ST6GALNAC3: variants seen among roughly 807,000 people sequenced by gnomAD.
ST6GALNAC3 encodes the protein ST6 N-acetylgalactosaminide alpha-2,6-sialyltransferase 3, also known as alpha-N-acetylgalactosaminide alpha-2,6-sialyltransferase 3.
In ST6GALNAC3, 25 loss-of-function variants were observed where a neutral mutation model predicts 32.7. That is an observed-to-expected ratio of 0.76 (90% CI 0.56 to 1.07). ST6GALNAC3 has a LOEUF of 1.07. Ranked by LOEUF, ST6GALNAC3 falls within the 50% of genes least tolerant of loss-of-function variation. The pLI is 0.00. For synonymous variants in ST6GALNAC3, 129 were observed against 133.1 expected (o/e 0.97, Z 0.21); for missense variants, 355 against 382.4 (o/e 0.93, Z 0.60).
intron 3 of ST6GALNAC3, among the ~76,000 whole-genome samples, chr1:76,447,247 CT>C (rs1304762427): frequency 6.6e-6 from 1 of 152,158 alleles, no homozygotes; most frequent in Non-Finnish European, 1.5e-5. Context: ...CATTTTGCCC[CT>C]GTCCTAGAAA....
intron 3 of ST6GALNAC3, among the ~76,000 whole-genome samples, chr1:76,433,269 C>G (rs1655900296): frequency 6.6e-6 from 1 of 151,846 alleles, no homozygotes; most frequent in Non-Finnish European, 1.5e-5. Context: ...TTCATTTTTC[C>G]GTAAGATTTT....
intron 3 of ST6GALNAC3, among the ~76,000 whole-genome samples, chr1:76,497,281 C>A (rs1660911654): frequency 6.6e-6 from 1 of 152,118 alleles, no homozygotes; most frequent in South Asian, 2.1e-4. Context: ...CAGGAGAAGC[C>A]TGATGTACCT....
At chr1:76,579,558 G>C (rs894547562) in intron 3 of ST6GALNAC3, among the ~76,000 whole-genome samples, 1 of 151,812 alleles carries the variant, frequency 6.6e-6, no homozygotes, top group Non-Finnish European at 1.5e-5. Context: ...TACATACATT[G>C]CTTGTCCATA....
chr1:76,279,678 G>C lies in ST6GALNAC3; in HGVS notation c.19-34127G>C, dbSNP rs570531104. ...GGCAGCTGCCGGAGGCGGAAGTGGC[G>C]TCCATGGTAGCCACTTCGTCAGGAG... is the stretch of plus-strand genomic sequence containing the variant. On this transcript the variant is annotated intron_variant, in intron 1 of 4. Transcript: ENST00000328299. Among the ~76,000 whole-genome samples, 101 of 152,272 alleles carry C rather than the reference G, an allele frequency of 6.6e-4. 1 individual carries two copies. The highest frequency in any genetic ancestry group is 2.3e-3 in the African/African-American group (97 of 41,556).
At chr1:76,347,987 A>G (rs2101012964) in intron 2 of ST6GALNAC3, among the ~76,000 whole-genome samples, 1 of 152,328 alleles carries the variant, frequency 6.6e-6, no homozygotes, top group Middle Eastern at 3.4e-3. Context: ...TTGCAATTCT[A>G]TTGTGAATGT....
At chr1:76,462,949 C>A (rs1156353432) in intron 3 of ST6GALNAC3, among the ~76,000 whole-genome samples, 1 of 152,128 alleles carries the variant, frequency 6.6e-6, no homozygotes, top group Non-Finnish European at 1.5e-5. Context: ...GTTGGAAAAA[C>A]ACTGTCCTAA....
In ST6GALNAC3 at chr1:76,328,754, G is replaced by A. The variant is rs144354888; in HGVS notation, c.213+14755G>A. 3.3e-3 allele frequency among the ~76,000 whole-genome samples: 505 copies of A among 152,198 alleles called. 3 individuals carry two copies. The highest frequency in any genetic ancestry group is 0.012 in the African/African-American group (490 of 41,530). ...TTTGAATTAGGTGGAAATTGACATCGTTTGTCAGAAATATACTGAGGATAA... is the reference window on the plus strand; with the variant it reads ...TTTGAATTAGGTGGAAATTGACATCATTTGTCAGAAATATACTGAGGATAA... On this transcript the variant is annotated intron_variant, in intron 2 of 4. Coordinates refer to ENST00000328299, the MANE Select transcript of ST6GALNAC3 (RefSeq NM_152996.4).
chr1:76,143,011 C>T, intron 1 of ST6GALNAC3: 1 of 329,772 alleles, frequency 3.0e-6, no homozygotes. Context: ...GGAGGGATTA[C>T]TTTCTTATCA....
rs192126346 is a variant in ST6GALNAC3, at chr1:76,559,302, G to A, written c.624-68150G>A. 1.1e-4 allele frequency among the ~76,000 whole-genome samples: 17 copies of A among 152,200 alleles called. No individual in the cohort carries two copies. In the East Asian group the frequency reaches 1.9e-3, roughly 17 times the overall value. On this transcript the variant is annotated intron_variant, in intron 3 of 4. Transcript: ENST00000328299. The stretch of plus-strand genomic sequence containing the variant: ...ACAAATCACCCTTCCAACAAACGAC[G>A]TTAGGACAACTGCACATGCAAATGC...
chr1:76,379,103 A>G (rs1332489506), intron 2 of ST6GALNAC3, among the ~76,000 whole-genome samples: 3 of 152,102 alleles, frequency 2.0e-5, no homozygotes, highest in African/African-American at 7.2e-5. Flanking sequence ...TCACTGTGTT[A>G]GCCAGGATGG....
At chr1:76,402,038 AT>A (rs10665444) in intron 2 of ST6GALNAC3, among the ~76,000 whole-genome samples, 1 of 151,058 alleles carries the variant, frequency 6.6e-6, no homozygotes, top group Non-Finnish European at 1.5e-5. Flanking sequence ...ATGAATTTAT[AT>A]TTTTTTTTGC....
At chr1:76,239,300 C>G (rs1656835860) in intron 1 of ST6GALNAC3, among the ~76,000 whole-genome samples, 2 of 152,134 alleles carry the variant, frequency 1.3e-5, no homozygotes, top group Admixed American at 1.3e-4. Context: ...AGTGACAATA[C>G]TCCTCTTCCG....
intron 1 of ST6GALNAC3, among the ~76,000 whole-genome samples, chr1:76,142,478 G>A (rs972388359): frequency 6.6e-6 from 1 of 152,148 alleles, no homozygotes; most frequent in African/African-American, 2.4e-5. Context: ...ACCAGGGGAA[G>A]AGGAGGAAAG....
At chr1:76,191,196 G>T (rs1653874161) in intron 1 of ST6GALNAC3, among the ~76,000 whole-genome samples, 1 of 152,022 alleles carries the variant, frequency 6.6e-6, no homozygotes. Context: ...AAAAAATTTA[G>T]ACAAGCCTTG....
intron 3 of ST6GALNAC3, among the ~76,000 whole-genome samples, chr1:76,457,336 G>A (rs878871128): frequency 5.3e-5 from 8 of 152,178 alleles, no homozygotes; most frequent in South Asian, 4.2e-4. Flanking sequence ...CTTTCTTCAC[G>A]GAACTGGAAA....
At chr1:76,371,860 G>C (rs1017308126) in intron 2 of ST6GALNAC3, among the ~76,000 whole-genome samples, 6 of 152,100 alleles carry the variant, frequency 3.9e-5, no homozygotes, top group African/African-American at 1.4e-4. Flanking sequence ...CAAGGATGTT[G>C]TTCTTGAGTA....
At chr1:76,422,728 G>T (rs576363350) in intron 3 of ST6GALNAC3, among the ~76,000 whole-genome samples, 1 of 151,918 alleles carries the variant, frequency 6.6e-6, no homozygotes, top group Non-Finnish European at 1.5e-5. Flanking sequence ...AAGAACTACC[G>T]TGATAAAGAA....
At chr1:76,245,012 C>T (rs1657179592) in intron 1 of ST6GALNAC3, among the ~76,000 whole-genome samples, 1 of 152,140 alleles carries the variant, frequency 6.6e-6, no homozygotes, top group African/African-American at 2.4e-5. Context: ...GCAATGGTAT[C>T]AGCTCCTCTT....
At chr1:76,190,322 T>A (rs1470277212) in intron 1 of ST6GALNAC3, among the ~76,000 whole-genome samples, 1 of 152,172 alleles carries the variant, frequency 6.6e-6, no homozygotes, top group African/African-American at 2.4e-5. Flanking sequence ...GAAAAGTGCA[T>A]GGTACTCCAA....
Sources: allele counts gnomAD v4.1 joint callset (sites outside exome capture counted in the v4.1 genomes callset), GRCh38; gene constraint gnomAD v4.1.1; transcripts MANE v1.5; gene names NCBI Gene and HGNC (gene_info 2026-07-23, HGNC 2026-07-21).